TBCK: variants seen among roughly 807,000 people sequenced by gnomAD.
TBCK encodes the protein TBC1 domain containing kinase.
A neutral mutation model predicts 113.4 loss-of-function variants in TBCK; 99 were observed. The ratio of observed to expected loss-of-function variants is 0.87; its 90% CI spans 0.74 to 1.03. The LOEUF is 1.03. Ranked by LOEUF, TBCK falls within the 50% of genes least tolerant of loss-of-function variation. The pLI is 0.00. For synonymous variants in TBCK, 369 were observed against 370.8 expected, an observed-to-expected ratio of 1.00 and a Z score of 0.05; for missense variants, 1,045 against 1,061.3, an observed-to-expected ratio of 0.98 and a Z score of 0.21.
At chr4:106,315,511 G>T (rs902914400) in intron 1 of TBCK, 4 of 152,348 alleles carry the variant, frequency 2.6e-5, no homozygotes, top group African/African-American at 9.6e-5. Flanking sequence ...AGCAGCCACT[G>T]ACAATCCTCA....
intron 24 of TBCK, among the ~76,000 whole-genome samples, chr4:106,103,562 C>T (rs951725401): frequency 1.3e-5 from 2 of 152,308 alleles, no homozygotes; most frequent in Middle Eastern, 3.4e-3. Flanking sequence ...GGGAAAGTTG[C>T]TTAACCTCTT....
At position 106,235,316 on chromosome 4, in the gene TBCK, G is replaced by A. The variant is rs758360179; in HGVS notation, c.1402C>T (p.Pro468Ser). The change falls in exon 15 of 26, where the codon CCT becomes TCT. Residue 468 changes from proline to serine, a missense_variant. Physicochemically the swap from Pro to Ser is moderately conservative, Grantham distance 74. Transcript: ENST00000394708. ...CAGGTTAAACCTCTCATAAGAGGAG[G>A]AATGTCAACTCTTGCTTCTTTCCAG... ...QIWKEARVDI[P>S]PLMRGLTWAA... 12 of 1,610,726 alleles carry A rather than the reference G, an allele frequency of 7.5e-6. No homozygotes were observed. In the South Asian group the frequency reaches 1.1e-4, roughly 15 times the overall value.
chr4:106,148,926 G>A (rs965727822), intron 23 of TBCK, among the ~76,000 whole-genome samples: 2 of 152,246 alleles, frequency 1.3e-5, no homozygotes, highest in Non-Finnish European at 2.9e-5. Flanking sequence ...AGGCTGCTTC[G>A]TCTACATTGA....
At chr4:106,202,979 T>A (rs1755055358) in intron 20 of TBCK, among the ~76,000 whole-genome samples, 2 of 152,084 alleles carry the variant, frequency 1.3e-5, no homozygotes, top group Admixed American at 1.3e-4. Context: ...TAATTATAAA[T>A]AGATGATATA....
At chr4:106,161,241 C>T (rs1178933235) in intron 23 of TBCK, among the ~76,000 whole-genome samples, 1 of 152,006 alleles carries the variant, frequency 6.6e-6, no homozygotes, top group Non-Finnish European at 1.5e-5. Flanking sequence ...TAGAAAAGAT[C>T]CCTACAAATA....
chr4:106,230,625 T>C (rs1579326862), intron 18 of TBCK, among the ~76,000 whole-genome samples, 179 bp from the exon 19 acceptor site: 1 of 151,896 alleles, frequency 6.6e-6, no homozygotes, highest in African/African-American at 2.4e-5. Flanking sequence ...ATAGAAAATA[T>C]TTTTATTTTA....
rs761238158 is a variant in TBCK, at chr4:106,244,637, G to A, written c.1059C>T (p.Cys353=). The A allele has an allele frequency of 1.0e-5, 16 of 1,604,190 alleles. No homozygotes were observed. The South Asian group carries it at 1.6e-4, about 16-fold the overall frequency. ...KEIIRSKPPI[C]TLPNFLFEDG... The stretch of plus-strand genomic sequence containing the variant: ...GTTTCTTTCCTTACTTGGGGAGTGT[G>A]CAGATAGGTGGTTTGGATCGAATGA... Residue 353 remains cysteine, a synonymous_variant, in exon 11 of 26, where the codon TGC becomes TGT. Coordinates refer to ENST00000394708, the MANE Select transcript of TBCK (RefSeq NM_001163435.3).
chr4:106,316,465 A>C (rs1768889626), upstream of TBCK: 1 of 1,370,942 alleles, frequency 7.3e-7, no homozygotes, highest in Non-Finnish European at 1.0e-6. Flanking sequence ...TGAGGGTTGA[A>C]TCTGTAGAAC....
chr4:106,132,722 G>C (rs374527605), intron 23 of TBCK, among the ~76,000 whole-genome samples: 12 of 152,318 alleles, frequency 7.9e-5, no homozygotes, highest in African/African-American at 2.9e-4. Flanking sequence ...ATGCCAGAGG[G>C]GCAGAGCTGC....
intron 23 of TBCK, among the ~76,000 whole-genome samples, chr4:106,164,701 T>TA (rs1045790624): frequency 2.0e-5 from 3 of 151,806 alleles, no homozygotes; most frequent in Non-Finnish European, 3.0e-5. Context: ...TGTATCTGGG[T>TA]ACCTGAAAAT....
intron 23 of TBCK, among the ~76,000 whole-genome samples, chr4:106,166,313 TAAAC>T (rs976282141): frequency 1.3e-5 from 2 of 151,458 alleles, no homozygotes; most frequent in African/African-American, 4.8e-5. Flanking sequence ...TTTGAGAAAA[TAAAC>T]ATGTTAACTA....
chr4:106,185,187 T>C (rs1484075367), intron 22 of TBCK, among the ~76,000 whole-genome samples: 1 of 152,118 alleles, frequency 6.6e-6, no homozygotes, highest in Non-Finnish European at 1.5e-5. Context: ...TAATTAAATG[T>C]GCTTTCTTGT....
intron 5 of TBCK, among the ~76,000 whole-genome samples, chr4:106,255,302 G>A (rs941353257): frequency 3.3e-5 from 5 of 152,228 alleles, no homozygotes; most frequent in African/African-American, 7.2e-5. Context: ...CACTGGGCCC[G>A]TTCCATCCAC....
chr4:106,296,323 G>C (rs977952532), intron 2 of TBCK, among the ~76,000 whole-genome samples: 6 of 152,048 alleles, frequency 3.9e-5, no homozygotes, highest in East Asian at 1.9e-4. Context: ...GTAAAATAAA[G>C]AATAAGTTTA....
intron 25 of TBCK, among the ~76,000 whole-genome samples, chr4:106,082,138 C>T (rs1000147261): frequency 3.3e-5 from 5 of 152,198 alleles, no homozygotes; most frequent in Non-Finnish European, 5.9e-5. Context: ...GCCAAAAATA[C>T]ATATGCATGT....
At chr4:106,256,724 C>CA (rs1762033406) in intron 5 of TBCK, among the ~76,000 whole-genome samples, 8 of 152,138 alleles carry the variant, frequency 5.3e-5, no homozygotes, top group Non-Finnish European at 1.2e-4. Flanking sequence ...GAAGTGACAG[C>CA]CCCAGCAGCA....
At chr4:106,236,606 A>T in intron 13 of TBCK, 87 bp from the exon 14 acceptor site, 2 of 1,228,464 alleles carry the variant, frequency 1.6e-6, no homozygotes, top group Non-Finnish European at 2.1e-6. Context: ...ACCAACAGTG[A>T]TTTCAGAAAA....
At chr4:106,212,437 A>G (rs1029422148) in intron 20 of TBCK, among the ~76,000 whole-genome samples, 20 of 152,180 alleles carry the variant, frequency 1.3e-4, no homozygotes, top group African/African-American at 4.6e-4. Context: ...TAGACTTCCT[A>G]TATCTTCAAA....
At chr4:106,237,917 A>G (rs1045993823) in intron 12 of TBCK, among the ~76,000 whole-genome samples, 1 of 152,106 alleles carries the variant, frequency 6.6e-6, no homozygotes, top group African/African-American at 2.4e-5. Flanking sequence ...TTTTCTAAAT[A>G]AAAACTTAGC....
Sources: gnomAD v4.1 joint callset for allele counts (sites outside exome capture counted in the v4.1 genomes callset) on GRCh38, gnomAD v4.1.1 for gene constraint, MANE v1.5 for transcripts, NCBI Gene and HGNC (gene_info 2026-07-23, HGNC 2026-07-21) for gene names.